PRDM5: variants seen among roughly 807,000 people sequenced by gnomAD.
PRDM5 encodes PR domain zinc finger protein 5.
PRDM5 carries 56 observed loss-of-function variants against 81.2 expected under a neutral mutation model. That is an observed-to-expected ratio of 0.69 (90% CI 0.56 to 0.86). The LOEUF is 0.86. Ranked by LOEUF, PRDM5 falls within the 40% of genes least tolerant of loss-of-function variation. PRDM5 has a pLI of 0.00. For synonymous variants in PRDM5, 267 were observed against 256.4 expected (o/e 1.04, Z -0.39); for missense variants, 697 against 770.1 (o/e 0.91, Z 1.12).
intron 10 of PRDM5, among the ~76,000 whole-genome samples, chr4:120,795,200 C>T (rs1368095112): frequency 2.0e-5 from 3 of 152,168 alleles, no homozygotes; most frequent in African/African-American, 7.2e-5. Flanking sequence ...CAAAACCCCT[C>T]CATACTCACT....
chr4:120,752,423 G>A (rs1744144290), intron 14 of PRDM5, among the ~76,000 whole-genome samples: 1 of 152,100 alleles, frequency 6.6e-6, no homozygotes, highest in Non-Finnish European at 1.5e-5. Context: ...AAAATCCTGG[G>A]TGCTTCTGGT....
intron 14 of PRDM5, among the ~76,000 whole-genome samples, chr4:120,718,153 T>G (rs2149048644): frequency 6.6e-6 from 1 of 152,322 alleles, no homozygotes; most frequent in Admixed American, 6.5e-5. Context: ...GGATACACCT[T>G]TTCTCTATTT....
At chr4:120,918,375 A>G (rs1381461202) in intron 1 of PRDM5, among the ~76,000 whole-genome samples, 3 of 152,114 alleles carry the variant, frequency 2.0e-5, no homozygotes, top group Non-Finnish European at 4.4e-5. Context: ...TGGCTGGCAG[A>G]TTTTTAGCCC....
chr4:120,733,599 C>G (rs1234296022), intron 14 of PRDM5, among the ~76,000 whole-genome samples: 1 of 152,200 alleles, frequency 6.6e-6, no homozygotes, highest in African/African-American at 2.4e-5. Context: ...ACATGGTTCT[C>G]TTTCACTGTA....
intron 2 of PRDM5, among the ~76,000 whole-genome samples, chr4:120,900,112 T>C (rs1418692849): frequency 6.6e-6 from 1 of 152,194 alleles, no homozygotes; most frequent in Non-Finnish European, 1.5e-5. Flanking sequence ...TGTTCAGTTA[T>C]CTGGAAACCC....
At chr4:120,802,483 G>A (rs529756277) in intron 8 of PRDM5, among the ~76,000 whole-genome samples, 1 of 152,334 alleles carries the variant, frequency 6.6e-6, no homozygotes, top group South Asian at 2.1e-4. Flanking sequence ...CACCCCACAT[G>A]GCCAGGTACC....
intron 14 of PRDM5, among the ~76,000 whole-genome samples, chr4:120,753,219 G>A (rs1255353573): frequency 6.6e-6 from 1 of 152,116 alleles, no homozygotes; most frequent in African/African-American, 2.4e-5. Context: ...CTGCTCACAT[G>A]TAAAATAACC....
chr4:120,850,718 A>AT (rs934625673), intron 3 of PRDM5, among the ~76,000 whole-genome samples: 8 of 152,058 alleles, frequency 5.3e-5, no homozygotes, highest in African/African-American at 1.9e-4. Context: ...TCCTGTTCTA[A>AT]TCCCCCCTCA....
intron 2 of PRDM5, among the ~76,000 whole-genome samples, chr4:120,894,117 T>C (rs1480902906): frequency 6.6e-6 from 1 of 152,188 alleles, no homozygotes; most frequent in Non-Finnish European, 1.5e-5. Context: ...GCCTTCTTTT[T>C]GGATTAATAA....
At chr4:120,730,293 T>C (rs1740054312) in intron 14 of PRDM5, among the ~76,000 whole-genome samples, 1 of 152,172 alleles carries the variant, frequency 6.6e-6, no homozygotes, top group African/African-American at 2.4e-5. Flanking sequence ...AATAAGGATA[T>C]TTTACGTATT....
chr4:120,761,297 A>T (rs1371599940), intron 13 of PRDM5, among the ~76,000 whole-genome samples: 2 of 152,174 alleles, frequency 1.3e-5, no homozygotes, highest in East Asian at 3.8e-4. Flanking sequence ...ACCTTACTTG[A>T]CTTGAGCCCA....
chr4:120,721,095 T>A (rs1019907705), intron 14 of PRDM5, among the ~76,000 whole-genome samples: 4 of 152,192 alleles, frequency 2.6e-5, no homozygotes, highest in Non-Finnish European at 4.4e-5. Context: ...GTCACTTGCA[T>A]AGAGGTGTTA....
intron 15 of PRDM5, among the ~76,000 whole-genome samples, chr4:120,704,799 C>A (rs776982740): frequency 6.6e-6 from 1 of 151,806 alleles, no homozygotes; most frequent in African/African-American, 2.4e-5. Context: ...GGATGCATCG[C>A]GGTTTATCAT....
chr4:120,876,449 T>C (rs1208863673), intron 2 of PRDM5, among the ~76,000 whole-genome samples: 2 of 152,236 alleles, frequency 1.3e-5, no homozygotes, highest in East Asian at 1.9e-4. Flanking sequence ...AAAGATTTTG[T>C]GTATTGTGTC....
At chr4:120,757,814 G>C (rs1744990930) in intron 13 of PRDM5, among the ~76,000 whole-genome samples, 1 of 151,204 alleles carries the variant, frequency 6.6e-6, no homozygotes, top group Non-Finnish European at 1.5e-5. Flanking sequence ...GAGGAACAGT[G>C]AATTAATTAA....
intron 8 of PRDM5, among the ~76,000 whole-genome samples, chr4:120,805,373 C>T (rs757366934): frequency 1.6e-4 from 25 of 152,108 alleles, no homozygotes; most frequent in African/African-American, 5.1e-4. Flanking sequence ...CATCCTGATA[C>T]GAAAGCCTGG....
rs766674190 is a variant in PRDM5 at position 120,785,091 on chromosome 4, T to C, written c.1189A>G (p.Thr397Ala). 20 of 1,604,954 alleles carry C rather than the reference T, an allele frequency of 1.2e-5. No homozygotes were observed. Among genetic ancestry groups the C allele is most frequent in the Non-Finnish European group, 1.0e-5 (12 of 1,172,140 alleles). Reference sequence around the variant, plus strand: ...TGGAACGGTCTCTCCTCAGAGTGGGTCTGCAGAGGAAAAACACTGAGTCAG... The same window carrying C: ...TGGAACGGTCTCTCCTCAGAGTGGGCCTGCAGAGGAAAAACACTGAGTCAG... The part of the protein sequence containing the change: ...HRNVYKNHKK[T>A]HSEERPFQCE... Residue 397 changes from threonine (T) to alanine (A), a missense_variant and splice_region_variant, in exon 11 of 16, where the codon ACC becomes GCC. Transcript: ENST00000264808.
At chr4:120,825,507 A>G (rs986616082) in intron 3 of PRDM5, among the ~76,000 whole-genome samples, 1 of 151,820 alleles carries the variant, frequency 6.6e-6, no homozygotes, top group Admixed American at 6.6e-5. Context: ...TCCATATACA[A>G]TCTATCAGGA....
intron 2 of PRDM5, among the ~76,000 whole-genome samples, chr4:120,855,752 T>C (rs1759804175): frequency 6.6e-6 from 1 of 152,074 alleles, no homozygotes; most frequent in South Asian, 2.1e-4. Flanking sequence ...GAAAGAAAAA[T>C]TTTCTCAGTA....
Sources: allele counts gnomAD v4.1 joint callset (sites outside exome capture counted in the v4.1 genomes callset), GRCh38; gene constraint gnomAD v4.1.1; transcripts MANE v1.5; gene names NCBI Gene and HGNC (gene_info 2026-07-23, HGNC 2026-07-21).